The following CACNA1I variants were observed in gnomAD, a reference collection of about 807,000 sequenced individuals.
The protein encoded by CACNA1I is calcium voltage-gated channel subunit alpha1 I, also known as voltage-dependent T-type calcium channel subunit alpha-1I.
Under a neutral mutation model 201.6 loss-of-function variants are expected in CACNA1I, and 74 were observed. The observed-to-expected ratio is 0.37, with a 90% confidence interval of 0.30 to 0.45. The LOEUF is 0.45. Among genes scored for constraint, CACNA1I ranks in the 20% least tolerant of loss-of-function variants. The probability of loss-of-function intolerance (pLI) is 1.00; values close to 1 mark genes in which losing one functional copy is unlikely to be tolerated. For missense variants in CACNA1I, 2,346 were observed against 3,138.1 expected, an observed-to-expected ratio of 0.75 and a Z score of 6.03; for synonymous variants, 1,431 against 1,345.2, an observed-to-expected ratio of 1.06 and a Z score of -1.40.
intron 1 of CACNA1I, among the ~76,000 whole-genome samples, chr22:39,571,290 G>A (rs1292626549): frequency 1.3e-5 from 2 of 152,180 alleles, no homozygotes; most frequent in Non-Finnish European, 2.9e-5. Flanking sequence ...GCTGGGCTGG[G>A]AATGCAGATC....
chr22:39,663,699 C>CCG lies in CACNA1I; in HGVS notation c.3474-18_3474-17insGC. On this transcript the variant is annotated intron_variant, in intron 18 of 36. Transcript: ENST00000402142. ...GGGAGGCAGCTGACGCTCAGGCAGC[C>CCG]CCCGCCCACCCTGCCCAGGTTCCGG... The CCG allele has an allele frequency of 3.7e-6, 6 of 1,609,434 alleles. No homozygotes were observed. The highest frequency in any genetic ancestry group is 1.3e-5 in the African/African-American group (1 of 74,930).
In CACNA1I at chr22:39,595,965, G is replaced by A. The variant is rs1415940148; in HGVS notation, c.237-2186G>A. Among the ~76,000 whole-genome samples the A allele has an allele frequency of 9.3e-5, 14 of 150,732 alleles. No individual in the cohort carries two copies. The East Asian group carries it at 2.8e-3, about 30-fold the overall frequency. On this transcript the variant is annotated intron_variant, in intron 1 of 36. Transcript: ENST00000402142. Reference sequence around the variant, plus strand: ...GGCGTGCGGCAGCTGGGGGTGATGAGGTTGGGTGGAGACTTCTCAGAGGAG... The same window carrying A: ...GGCGTGCGGCAGCTGGGGGTGATGAAGTTGGGTGGAGACTTCTCAGAGGAG...
At chr22:39,605,633 C>A (rs2146376110) in intron 3 of CACNA1I, among the ~76,000 whole-genome samples, 1 of 152,314 alleles carries the variant, frequency 6.6e-6, no homozygotes, top group African/African-American at 2.4e-5. Flanking sequence ...CACATCACCA[C>A]AACTAAAGTC....
At chr22:39,671,554 C>T (rs776138217) in intron 26 of CACNA1I, among the ~76,000 whole-genome samples, 2 of 152,036 alleles carry the variant, frequency 1.3e-5, no homozygotes, top group Non-Finnish European at 2.9e-5. Flanking sequence ...TTGTTGCAGA[C>T]CAGGTATGTG....
rs1227331667 is a variant in CACNA1I, at chr22:39,649,806, G to T, written c.1873G>T (p.Val625Leu). Residue 625 changes from valine to leucine, a missense_variant, in exon 10 of 37, where the codon GTG becomes TTG. Transcript: ENST00000402142. This position sits in a 1 kb window ranked among gnomAD's most constrained non-coding sequence, Gnocchi z 7.3. ...ADGAVWLCGD[V>L]WRETRAKLRG... is the part of the protein sequence containing the mutation. Reference sequence around the variant, plus strand: ...TGGGGCGGTCTGGCTGTGCGGGGATGTGTGGCGGGAGACGCGAGCCAAGCT... The same window carrying T: ...TGGGGCGGTCTGGCTGTGCGGGGATTTGTGGCGGGAGACGCGAGCCAAGCT... 1 of 1,611,390 alleles carries T rather than the reference G, an allele frequency of 6.2e-7. No homozygotes were observed. The highest frequency in any genetic ancestry group is 8.5e-7 in the Non-Finnish European group (1 of 1,179,084).
At position 39,677,896 on chromosome 22, in the gene CACNA1I, G is replaced by C; in HGVS notation, c.4934-91G>C. The C allele has an allele frequency of 7.0e-7, 1 of 1,423,410 alleles. No individual in the cohort carries two copies. The highest frequency in any genetic ancestry group is 9.4e-7 in the Non-Finnish European group (1 of 1,064,520). The allele number at this position is 1,423,410 out of a possible 1,614,324, so 88.2% of individuals were successfully genotyped here. ...GCAGGCCCCTCCTAGGGTGTGATGA[G>C]GGTTCTGAGGCGAGGCGGGAGGCAC... On this transcript the variant is annotated intron_variant, in intron 30 of 36. Coordinates refer to ENST00000402142, the MANE Select transcript of CACNA1I (RefSeq NM_021096.4). This position sits in a 1 kb window ranked among gnomAD's most constrained non-coding sequence, Gnocchi z 4.8.
intron 27 of CACNA1I, among the ~76,000 whole-genome samples, chr22:39,672,655 A>G (rs1276755280): frequency 6.6e-6 from 1 of 152,210 alleles, no homozygotes; most frequent in South Asian, 2.1e-4. Flanking sequence ...CAGAGAGAGC[A>G]GCCAGCTCAA....
At chr22:39,614,796 C>T (rs1378865414) in intron 3 of CACNA1I, among the ~76,000 whole-genome samples, 2 of 152,212 alleles carry the variant, frequency 1.3e-5, no homozygotes, top group Non-Finnish European at 2.9e-5. Context: ...CTTTGCATGG[C>T]CCCTCTACCA....
At chr22:39,599,561 G>A (rs1300306042) in intron 2 of CACNA1I, among the ~76,000 whole-genome samples, 26 of 133,616 alleles carry the variant, frequency 1.9e-4, no homozygotes, top group African/African-American at 7.0e-4. Flanking sequence ...GGAGCTTGCA[G>A]TGAGCCGAGA....
At position 39,648,770 on chromosome 22, in the gene CACNA1I, G is replaced by C. The variant is rs531157740; in HGVS notation, c.1568-731G>C. 2.0e-5 allele frequency among the ~76,000 whole-genome samples: 3 copies of C among 152,160 alleles called. No individual in the cohort carries two copies. In the East Asian group the frequency reaches 5.8e-4, roughly 29 times the overall value. On this transcript the variant is annotated intron_variant, in intron 9 of 36. Transcript: ENST00000402142. The surrounding 1 kb of genome is among the most constrained non-coding windows in gnomAD (Gnocchi z 5.4). ...AAGGCATTAAACCAAGCAGAGAGAG[G>C]CCTCTCTGACACCTCTTTGAGATGG...
intron 4 of CACNA1I, among the ~76,000 whole-genome samples, chr22:39,622,205 A>AATGG (rs777801603): frequency 2.0e-4 from 30 of 152,300 alleles, no homozygotes; most frequent in Non-Finnish European, 4.3e-4. Flanking sequence ...ACACGTGTGA[A>AATGG]ATGGACACAG....
intron 1 of CACNA1I, among the ~76,000 whole-genome samples, chr22:39,587,972 C>T (rs1932776259): frequency 6.6e-6 from 1 of 151,966 alleles, no homozygotes; most frequent in Non-Finnish European, 1.5e-5. Context: ...GACAGGGTTT[C>T]ACCATATTGG....
In CACNA1I at chr22:39,658,187, T is replaced by C. The variant is rs928089288; in HGVS notation, c.2028T>C (p.Asn676=). The part of the protein sequence containing the change: ...EELTNILEIC[N]VVFTSMFALE... Reference sequence around the variant, plus strand: ...TGACCAACATCCTGGAGATCTGCAATGTGGTCTTCACCAGCATGTTTGCCC... The same window carrying C: ...TGACCAACATCCTGGAGATCTGCAACGTGGTCTTCACCAGCATGTTTGCCC... Residue 676 remains asparagine (N), a synonymous_variant, in exon 11 of 37, where the codon AAT becomes AAC. Coordinates refer to ENST00000402142, the MANE Select transcript of CACNA1I (RefSeq NM_021096.4). 1.2e-6 allele frequency: 2 copies of C among 1,613,960 alleles called. No homozygotes were observed. Among genetic ancestry groups the C allele is most frequent in the Middle Eastern group, 1.6e-4 (1 of 6,062 alleles).
At chr22:39,672,605 G>C (rs1358477640) in intron 27 of CACNA1I, among the ~76,000 whole-genome samples, 1 of 152,206 alleles carries the variant, frequency 6.6e-6, no homozygotes, top group Non-Finnish European at 1.5e-5. Flanking sequence ...GAAGGGAATA[G>C]TGAGGCTCAA....
chr22:39,580,128 A>C (rs132571), intron 1 of CACNA1I, among the ~76,000 whole-genome samples: 70,068 of 151,554 alleles, frequency 0.46, 17,028 homozygotes, highest in Non-Finnish European at 0.53. Flanking sequence ...GGAGACACAC[A>C]TCAAAGCCAT....
At chr22:39,574,724 C>A (rs1207466139) in intron 1 of CACNA1I, among the ~76,000 whole-genome samples, 1 of 152,186 alleles carries the variant, frequency 6.6e-6, no homozygotes, top group Non-Finnish European at 1.5e-5. Flanking sequence ...ATGTCTAGAC[C>A]CTGCAAAGGG....
Position 39,570,962 on chromosome 22 carries a change from C to T in CACNA1I, c.210C>T (p.Asn70=). 6.2e-7 allele frequency: 1 copy of T among 1,613,864 alleles called. No homozygotes were observed. The highest frequency in any genetic ancestry group is 1.3e-5 in the African/African-American group (1 of 75,004). ...TGCGACAGACCACCAGCCCCCGGAA[C>T]TGGTGCATCAAGATGGTGTGCAACC... is the stretch of plus-strand genomic sequence containing the variant. ...FCLRQTTSPR[N]WCIKMVCNPW... Residue 70 remains asparagine (N), a synonymous_variant, in exon 1 of 37, where the codon AAC becomes AAT. Coordinates refer to ENST00000402142, the MANE Select transcript of CACNA1I (RefSeq NM_021096.4).
Position 39,680,992 on chromosome 22 carries a change from G to A in CACNA1I, c.5604G>A (p.Leu1868=), listed in dbSNP as rs776265869. ...LNSDRSSSIL[L]GDDLSLEDPT... ...CAGACAGGTCCTCGTCCATCCTGCT[G>A]GGTGACGACCTGAGTCTCGAGGACC... Residue 1868 remains leucine, a synonymous_variant, in exon 34 of 37, where the codon CTG becomes CTA. Coordinates refer to ENST00000402142, the MANE Select transcript of CACNA1I (RefSeq NM_021096.4). The A allele has an allele frequency of 6.2e-7, 1 of 1,611,970 alleles. No homozygotes were observed.
intron 3 of CACNA1I, among the ~76,000 whole-genome samples, chr22:39,601,781 A>G (rs1804327191): frequency 6.7e-6 from 1 of 150,152 alleles, no homozygotes; most frequent in East Asian, 2.0e-4. Context: ...GGGTTTTAAA[A>G]AAGTTACACC....
Sources: allele counts gnomAD v4.1 joint callset (sites outside exome capture counted in the v4.1 genomes callset), GRCh38; gene constraint gnomAD v4.1.1; non-coding constraint Gnocchi (gnomAD v3.1); transcripts MANE v1.5; gene names NCBI Gene and HGNC (gene_info 2026-07-23, HGNC 2026-07-21).